The following NAALADL2 variants were observed in gnomAD, a reference collection of about 807,000 sequenced individuals.
NAALADL2 encodes the protein N-acetylated alpha-linked acidic dipeptidase like 2, also known as inactive N-acetylated-alpha-linked acidic dipeptidase-like protein 2.
NAALADL2 carries 76 observed loss-of-function variants against 87.2 expected under a neutral mutation model. The ratio of observed to expected loss-of-function variants is 0.87; its 90% CI spans 0.72 to 1.05. NAALADL2 has a LOEUF of 1.05. Ranked by LOEUF, NAALADL2 falls within the 50% of genes least tolerant of loss-of-function variation. The pLI is 0.00. For missense variants in NAALADL2, 1,089 were observed against 945.8 expected (o/e 1.15, Z -1.99); for synonymous variants, 354 against 331.0 (o/e 1.07, Z -0.75).
At chr3:175,422,829 T>A in intron 5 of NAALADL2, among the ~76,000 whole-genome samples, 1 of 151,722 alleles carries the variant, frequency 6.6e-6, no homozygotes, top group East Asian at 1.9e-4. Flanking sequence ...TGGCCACCTG[T>A]TTTTGCTAAT....
intron 3 of NAALADL2, among the ~76,000 whole-genome samples, chr3:174,750,160 A>C (rs932159236): frequency 4.6e-5 from 7 of 152,306 alleles, no homozygotes; most frequent in African/African-American, 1.7e-4. Flanking sequence ...CAGACTTTTA[A>C]AATGTTGTCC....
intron 10 of NAALADL2, among the ~76,000 whole-genome samples, chr3:175,620,618 C>T (rs1355501482): frequency 6.6e-6 from 1 of 152,146 alleles, no homozygotes; most frequent in Non-Finnish European, 1.5e-5. Context: ...TCCCGCAATT[C>T]GGCGAGCAGG....
intron 4 of NAALADL2, among the ~76,000 whole-genome samples, chr3:175,259,541 T>C (rs934941143): frequency 6.6e-6 from 1 of 152,196 alleles, no homozygotes; most frequent in Non-Finnish European, 1.5e-5. Context: ...TTGCTTTTGG[T>C]ACATTACATG....
chr3:174,546,660 T>TTTTTG (rs1268275211), intron 1 of NAALADL2, among the ~76,000 whole-genome samples: 4 of 152,132 alleles, frequency 2.6e-5, no homozygotes, highest in African/African-American at 9.7e-5. Context: ...TTTGTTTTTA[T>TTTTTG]TTTTGTTTTG....
At chr3:175,140,692 G>A (rs973727127) in intron 2 of NAALADL2, among the ~76,000 whole-genome samples, 4 of 152,126 alleles carry the variant, frequency 2.6e-5, no homozygotes, top group Non-Finnish European at 2.9e-5. Context: ...GTGACATAAC[G>A]GAGAATGTTG....
intron 3 of NAALADL2, among the ~76,000 whole-genome samples, chr3:174,763,083 G>C (rs529028539): frequency 6.6e-6 from 1 of 151,840 alleles, no homozygotes; most frequent in Non-Finnish European, 1.5e-5. Context: ...TTGTGTTTGA[G>C]TTACCACATT....
intron 1 of NAALADL2, among the ~76,000 whole-genome samples, chr3:174,538,713 T>C (rs563531122): frequency 6.0e-4 from 92 of 152,252 alleles, no homozygotes; most frequent in African/African-American, 2.1e-3. Context: ...AAAACCTTGG[T>C]CTCTATAACC....
At chr3:174,786,449 C>CAAAA (rs36127298) in intron 3 of NAALADL2, among the ~76,000 whole-genome samples, 1 of 122,670 alleles carries the variant, frequency 8.2e-6, no homozygotes, top group African/African-American at 3.2e-5. Context: ...GACTCTGTCT[C>CAAAA]AAAAAAAAAA....
chr3:174,565,492 A>G (rs545780848), intron 2 of NAALADL2, among the ~76,000 whole-genome samples: 1 of 151,992 alleles, frequency 6.6e-6, no homozygotes, highest in Non-Finnish European at 1.5e-5. Flanking sequence ...ATGTCGTTTT[A>G]TGGTTTAATA....
intron 2 of NAALADL2, among the ~76,000 whole-genome samples, chr3:174,606,089 A>T (rs1053234666): frequency 6.6e-6 from 1 of 152,218 alleles, no homozygotes; most frequent in African/African-American, 2.4e-5. Context: ...GCAAACTCCA[A>T]CAGACCTGCA....
chr3:175,034,440 C>T (rs749273464), intron 1 of NAALADL2, among the ~76,000 whole-genome samples: 6 of 152,004 alleles, frequency 3.9e-5, no homozygotes, highest in African/African-American at 4.8e-5. Context: ...AGAAATTTTG[C>T]GCCTGTTATC....
intron 2 of NAALADL2, among the ~76,000 whole-genome samples, chr3:174,668,578 C>T (rs541330372): frequency 2.0e-5 from 3 of 152,140 alleles, no homozygotes; most frequent in Non-Finnish European, 4.4e-5. Flanking sequence ...CCTCTCCCCC[C>T]ACCCCGCAAC....
intron 2 of NAALADL2, among the ~76,000 whole-genome samples, chr3:175,167,783 C>T (rs972070221): frequency 1.1e-4 from 17 of 152,054 alleles, no homozygotes; most frequent in African/African-American, 4.1e-4. Context: ...AGCATTTTCT[C>T]AGGCCAGACT....
At chr3:174,483,442 C>T (rs1357063532) in intron 1 of NAALADL2, among the ~76,000 whole-genome samples, 1 of 151,880 alleles carries the variant, frequency 6.6e-6, no homozygotes, top group Non-Finnish European at 1.5e-5. Context: ...GAAACCACTC[C>T]CAGGATTCAG....
chr3:174,743,602 A>G (rs1475496325), intron 3 of NAALADL2, among the ~76,000 whole-genome samples: 1 of 151,854 alleles, frequency 6.6e-6, no homozygotes, highest in Non-Finnish European at 1.5e-5. Flanking sequence ...AGATGTATTG[A>G]ACTCTTTTAG....
At chr3:175,232,768 C>T (rs1299457434) in intron 2 of NAALADL2, among the ~76,000 whole-genome samples, 1 of 151,992 alleles carries the variant, frequency 6.6e-6, no homozygotes, top group African/African-American at 2.4e-5. Flanking sequence ...GCAAAAATAA[C>T]AGTAATATCA....
At chr3:175,330,240 A>C (rs138325671) in intron 5 of NAALADL2, among the ~76,000 whole-genome samples, 4 of 152,284 alleles carry the variant, frequency 2.6e-5, no homozygotes, top group Middle Eastern at 3.4e-3. Context: ...TAGTTTAAAA[A>C]TTTTGTAGCA....
chr3:175,209,488 G>A (rs1395788846), intron 2 of NAALADL2, among the ~76,000 whole-genome samples: 1 of 152,002 alleles, frequency 6.6e-6, no homozygotes, highest in Non-Finnish European at 1.5e-5. Flanking sequence ...TAAAATGTCT[G>A]TGGTAATTGT....
rs145210841 is a variant in NAALADL2, at chr3:174,896,647, A to C, written c.43+37197A>C. 3.2e-3 allele frequency among the ~76,000 whole-genome samples: 486 copies of C among 152,338 alleles called. 2 individuals are homozygous for C. The highest frequency in any genetic ancestry group is 0.011 in the African/African-American group (460 of 41,588). On this transcript the variant is annotated intron_variant, in intron 1 of 13. Coordinates refer to ENST00000454872, the MANE Select transcript of NAALADL2 (RefSeq NM_207015.3). Reference sequence around the variant, plus strand: ...TATCAAAATACCAATGACATTCTTCACAGAAATAGACAAAACAATCCTAAA... The same window carrying C: ...TATCAAAATACCAATGACATTCTTCCCAGAAATAGACAAAACAATCCTAAA...
Sources: allele counts gnomAD v4.1 joint callset (sites outside exome capture counted in the v4.1 genomes callset), GRCh38; gene constraint gnomAD v4.1.1; transcripts MANE v1.5; gene names NCBI Gene and HGNC (gene_info 2026-07-23, HGNC 2026-07-21).